IPP: variants seen among roughly 807,000 people sequenced by gnomAD.
The protein encoded by IPP is actin-binding protein IPP.
A neutral mutation model predicts 64.1 loss-of-function variants in IPP; 41 were observed. The observed-to-expected ratio is 0.64, with a 90% CI of 0.50 to 0.83. IPP has a LOEUF of 0.83. Ranked by LOEUF, IPP falls within the 40% of genes least tolerant of loss-of-function variation. IPP has a pLI of 0.00. For synonymous variants in IPP, 214 were observed against 235.2 expected, an observed-to-expected ratio of 0.91 and a Z score of 0.83; for missense variants, 649 against 703.0, an observed-to-expected ratio of 0.92 and a Z score of 0.87.
chr1:45,723,994 CTCCACGGTCTCCT>C (rs964672713), intron 5 of IPP, among the ~76,000 whole-genome samples: 4 of 150,698 alleles, frequency 2.7e-5, no homozygotes, highest in African/African-American at 4.9e-5. Context: ...CTCTCCCTCT[CTCCACGGTCTCCT>C]TCCACGGTCT....
downstream of IPP, chr1:45,694,502 G>GT: frequency 2.0e-6 from 3 of 1,524,710 alleles, no homozygotes; most frequent in Non-Finnish European, 2.7e-6. Context: ...GGAAAACCTC[G>GT]TATCTGTGAG....
At chr1:45,717,703 C>T (rs1371071208) in intron 6 of IPP, among the ~76,000 whole-genome samples, 1 of 152,050 alleles carries the variant, frequency 6.6e-6, no homozygotes, top group Non-Finnish European at 1.5e-5. Flanking sequence ...TTAGTAGAGA[C>T]AGGGTTTCAC....
chr1:45,745,115 T>C (rs1052097728), intron 2 of IPP, among the ~76,000 whole-genome samples: 2 of 152,138 alleles, frequency 1.3e-5, no homozygotes, highest in Admixed American at 6.6e-5. Flanking sequence ...TCCTGCATAG[T>C]CTTGAGCTCC....
chr1:45,725,000 C>T (rs1337723924), intron 5 of IPP, among the ~76,000 whole-genome samples: 1 of 144,960 alleles, frequency 6.9e-6, no homozygotes, highest in South Asian at 2.2e-4. Context: ...CCAGTCGCCC[C>T]GTCCAGGTGG....
intron 8 of IPP, among the ~76,000 whole-genome samples, chr1:45,713,187 G>C (rs1645612920): frequency 6.6e-6 from 1 of 152,112 alleles, no homozygotes; most frequent in South Asian, 2.1e-4. Context: ...CAGTGCTTTG[G>C]GATGCCAAGG....
intron 8 of IPP, among the ~76,000 whole-genome samples, chr1:45,713,571 A>AC (rs1452887979): frequency 2.1e-4 from 32 of 151,222 alleles, no homozygotes; most frequent in Admixed American, 1.6e-3. Flanking sequence ...AAAAAAAAAA[A>AC]ATTACTCTTT....
At position 45,708,760 on chromosome 1, in the gene IPP, G is replaced by A. The variant is rs145213877; in HGVS notation, c.1530+5486C>T. Among the ~76,000 whole-genome samples the A allele has an allele frequency of 1.1e-4, 16 of 150,532 alleles. No individual in the cohort carries two copies. The East Asian group carries it at 1.8e-3, about 17-fold the overall frequency. ...CAAAAATGAAGGAGAGTCTGAACGC[G>A]GTGGCTCATGCCTGTAATCCCAGCA... On this transcript the variant is annotated intron_variant, in intron 8 of 8. Transcript: ENST00000396478.
At chr1:45,719,161 A>T (rs772702368) in intron 6 of IPP, 42 bp downstream of exon 6, 1 of 1,596,390 alleles carries the variant, frequency 6.3e-7, no homozygotes, top group South Asian at 1.1e-5. Flanking sequence ...TTAAAAATAC[A>T]TAAACAATAT....
chr1:45,745,654 C>G (rs371265806), intron 2 of IPP, among the ~76,000 whole-genome samples: 5 of 151,112 alleles, frequency 3.3e-5, no homozygotes, highest in Non-Finnish European at 5.9e-5. Context: ...GTCAGGAGAT[C>G]GAGACAATCC....
At chr1:45,748,155 T>TATTAC (rs1646166578) in intron 1 of IPP, among the ~76,000 whole-genome samples, 1 of 152,152 alleles carries the variant, frequency 6.6e-6, no homozygotes, top group Non-Finnish European at 1.5e-5. Flanking sequence ...ACATATTACA[T>TATTAC]ATAACTAGCA....
chr1:45,746,556 T>A (rs1209906135), intron 1 of IPP, 95 bp from the exon 2 acceptor site: 1 of 594,708 alleles, frequency 1.7e-6, no homozygotes, highest in Middle Eastern at 4.3e-4. Flanking sequence ...TAAAATCTAC[T>A]TAAGGACATA....
Position 45,699,151 on chromosome 1 carries a change from T to A in IPP, c.*815A>T, listed in dbSNP as rs376935591. On this transcript the variant is annotated 3_prime_UTR_variant, in exon 9 of 9. Transcript: ENST00000396478. ...ATTCTCAGGATCAAGACAAAAAATA[T>A]GAGCAAGCAAAAACTTATCATCAAG... is the stretch of plus-strand genomic sequence containing the variant. 2.0e-6 allele frequency: 2 copies of A among 985,248 alleles called. No individual in the cohort carries two copies. The highest frequency in any genetic ancestry group is 1.1e-4 in the East Asian group (1 of 8,820). 61.0% of individuals were successfully genotyped at this position (985,248 alleles called of 1,614,324 possible). A position where few individuals can be genotyped will look rare whatever the true frequency, so the allele number is the denominator to read the frequency against.
At chr1:45,704,215 A>T (rs944173117) in intron 8 of IPP, among the ~76,000 whole-genome samples, 1 of 152,136 alleles carries the variant, frequency 6.6e-6, no homozygotes, top group Non-Finnish European at 1.5e-5. Context: ...AATTGAATGA[A>T]ATATTGAGGA....
At chr1:45,735,732 C>A (rs1645971100) in intron 3 of IPP, among the ~76,000 whole-genome samples, 2 of 127,278 alleles carry the variant, frequency 1.6e-5, no homozygotes, top group Non-Finnish European at 3.4e-5. Context: ...TCGGTTCAAG[C>A]AATTCTCCTG....
chr1:45,737,967 G>A (rs923830683), intron 3 of IPP, among the ~76,000 whole-genome samples: 1 of 151,980 alleles, frequency 6.6e-6, no homozygotes, highest in Non-Finnish European at 1.5e-5. Flanking sequence ...GAACATAATT[G>A]TTCTACTTTA....
intron 8 of IPP, among the ~76,000 whole-genome samples, chr1:45,701,106 A>T (rs1322977300): frequency 2.0e-5 from 3 of 152,228 alleles, no homozygotes. Context: ...CCATATTAAA[A>T]GGTATTTTTT....
chr1:45,726,585 G>A (rs1421897819), intron 5 of IPP, among the ~76,000 whole-genome samples: 2 of 151,982 alleles, frequency 1.3e-5, no homozygotes. Context: ...TTTCGACCAA[G>A]AAATATATCC....
downstream of IPP, among the ~76,000 whole-genome samples, chr1:45,698,430 G>A (rs1645406515): frequency 6.6e-6 from 1 of 152,100 alleles, no homozygotes; most frequent in African/African-American, 2.4e-5. Context: ...CAATTCTTTA[G>A]AATGCTTCTC....
chr1:45,717,452 T>C (rs1224768269), intron 6 of IPP, among the ~76,000 whole-genome samples: 1 of 152,060 alleles, frequency 6.6e-6, no homozygotes, highest in African/African-American at 2.4e-5. Context: ...TGGTGTAATT[T>C]CAGGAATTTC....
Sources: allele counts gnomAD v4.1 joint callset (sites outside exome capture counted in the v4.1 genomes callset), GRCh38; gene constraint gnomAD v4.1.1; transcripts MANE v1.5; gene names NCBI Gene and HGNC (gene_info 2026-07-23, HGNC 2026-07-21).